PEAK1: variants seen among roughly 807,000 people sequenced by gnomAD.
PEAK1 encodes the protein inactive tyrosine-protein kinase PEAK1.
Under a neutral mutation model 124.7 loss-of-function variants are expected in PEAK1, and 54 were observed. That is an observed-to-expected ratio of 0.43 (90% confidence interval 0.35 to 0.54). The LOEUF is 0.54. Among genes scored for constraint, PEAK1 ranks in the 20% least tolerant of loss-of-function variants. The pLI is 0.01. For synonymous variants in PEAK1, 719 were observed against 760.0 expected (o/e 0.95, Z 0.89); for missense variants, 2,046 against 2,134.5 (o/e 0.96, Z 0.82).
At chr15:77,237,512 C>T (rs1227025920) in intron 6 of PEAK1, among the ~76,000 whole-genome samples, 1 of 150,642 alleles carries the variant, frequency 6.6e-6, no homozygotes. Flanking sequence ...TATTTGTTTA[C>T]ATTTCCTTGT....
intron 5 of PEAK1, among the ~76,000 whole-genome samples, chr15:77,273,458 C>T (rs1048527853): frequency 1.3e-5 from 2 of 152,122 alleles, no homozygotes; most frequent in Admixed American, 6.6e-5. Context: ...AGTAGCCCTG[C>T]TACACATCAA....
At chr15:77,118,041 A>T (rs1001505971) in intron 9 of PEAK1, among the ~76,000 whole-genome samples, 2 of 152,222 alleles carry the variant, frequency 1.3e-5, no homozygotes, top group African/African-American at 2.4e-5. Context: ...AAATTGTTTC[A>T]CGATTTTGGA....
intron 2 of PEAK1, chr15:77,348,711 C>A (rs190405698): frequency 1.0e-6 from 1 of 984,892 alleles, no homozygotes; most frequent in African/African-American, 1.8e-5. Flanking sequence ...ACGGGAAAAC[C>A]CAAGGCACCA....
At chr15:77,278,905 T>G (rs567683844) in intron 5 of PEAK1, 9 of 252,272 alleles carry the variant, frequency 3.6e-5, no homozygotes, top group Non-Finnish European at 6.8e-5. Context: ...TCATCTCTGC[T>G]CACTGCAACC....
intron 7 of PEAK1, among the ~76,000 whole-genome samples, chr15:77,171,122 C>T (rs922822549): frequency 6.6e-6 from 1 of 152,090 alleles, no homozygotes; most frequent in African/African-American, 2.4e-5. Flanking sequence ...ATGCTACTTT[C>T]CCGCTTAAAA....
intron 6 of PEAK1, among the ~76,000 whole-genome samples, chr15:77,222,944 C>T (rs1393716623): frequency 6.6e-6 from 1 of 152,064 alleles, no homozygotes; most frequent in Non-Finnish European, 1.5e-5. Context: ...ACTCAAAATA[C>T]AGTCCACGAA....
chr15:77,147,079 T>A (rs1286238167), intron 8 of PEAK1, among the ~76,000 whole-genome samples: 1 of 152,210 alleles, frequency 6.6e-6, no homozygotes, highest in Non-Finnish European at 1.5e-5. Context: ...GTTTCTTGTG[T>A]TGATCTATAG....
At chr15:77,131,148 A>G (rs183132072) in intron 9 of PEAK1, among the ~76,000 whole-genome samples, 235 of 152,356 alleles carry the variant, frequency 1.5e-3, no homozygotes, top group African/African-American at 5.5e-3. Context: ...TAAGAAATTG[A>G]TAAGTGGCAC....
intron 1 of PEAK1, among the ~76,000 whole-genome samples, chr15:77,389,733 G>A (rs1466771993): frequency 1.3e-5 from 2 of 152,126 alleles, no homozygotes; most frequent in African/African-American, 4.8e-5. Context: ...CCTTTTTGTA[G>A]AAAGGCTAGA....
chr15:77,108,921 T>C lies in PEAK1; in HGVS notation c.*5235A>G, dbSNP rs934541184. 1.3e-5 allele frequency: 2 copies of C among 152,164 alleles called. No individual in the cohort carries two copies. The highest frequency in any genetic ancestry group is 2.9e-5 in the Non-Finnish European group (2 of 68,034). 9.4% of individuals were successfully genotyped at this position (152,164 alleles called of 1,614,324 possible). On this transcript the variant is annotated 3_prime_UTR_variant, in exon 10 of 10. Transcript: ENST00000682557. The stretch of plus-strand genomic sequence containing the variant: ...ATGGGATGTTGGGAATGCAGGCCCT[T>C]GCAGCCCACCTAGGTGGGGAAAGCT...
intron 2 of PEAK1, among the ~76,000 whole-genome samples, chr15:77,325,531 AGAGG>A (rs1459432557): frequency 6.6e-6 from 1 of 152,136 alleles, no homozygotes; most frequent in Non-Finnish European, 1.5e-5. Context: ...TTTTATATAG[AGAGG>A]GTAAATTAGC....
chr15:77,114,384 G>A lies in PEAK1; in HGVS notation c.5013C>T (p.Arg1671=), dbSNP rs199706567. The part of the protein sequence containing the change: ...GILQCLLWGP[R]EDLFQTFTAC... ...CGGTGAAAGTCTGGAAGAGATCTTCGCGGGGGCCCCAGAGCAGACACTGGA... is the reference window on the plus strand; with the variant it reads ...CGGTGAAAGTCTGGAAGAGATCTTCACGGGGGCCCCAGAGCAGACACTGGA... The change falls in exon 10 of 10, where the codon CGC becomes CGT. Residue 1671 remains arginine, a synonymous_variant. Coordinates refer to ENST00000682557, the MANE Select transcript of PEAK1 (RefSeq NM_001385026.1). The A allele has an allele frequency of 2.8e-4, 446 of 1,614,052 alleles. 1 individual carries two copies. In the Middle Eastern group the frequency reaches 6.9e-3, roughly 25 times the overall value.
At chr15:77,373,238 T>G (rs2068770759) in intron 1 of PEAK1, among the ~76,000 whole-genome samples, 1 of 152,182 alleles carries the variant, frequency 6.6e-6, no homozygotes, top group African/African-American at 2.4e-5. Context: ...TATTTTCCCC[T>G]TTGCTTGTTT....
At chr15:77,388,668 T>C (rs3784787) in intron 1 of PEAK1, among the ~76,000 whole-genome samples, 33,624 of 152,094 alleles carry the variant, frequency 0.22, 4,201 homozygotes, top group Middle Eastern at 0.3. Context: ...CAACATTTCA[T>C]GTTGATCATT....
At chr15:77,342,774 T>C (rs942548340) in intron 2 of PEAK1, among the ~76,000 whole-genome samples, 2 of 152,188 alleles carry the variant, frequency 1.3e-5, no homozygotes, top group African/African-American at 4.8e-5. Context: ...TTCCATGTTG[T>C]AGCATGTAAC....
rs1476669051 is a variant in PEAK1, at chr15:77,109,416, A to G, written c.*4740T>C. On this transcript the variant is annotated 3_prime_UTR_variant, in exon 10 of 10. Transcript: ENST00000682557. Reference sequence around the variant, plus strand: ...TATCAGCTAAATGCCTTGACATGGAATGTATGTGAACTCCCCTCCCACAGC... The same window carrying G: ...TATCAGCTAAATGCCTTGACATGGAGTGTATGTGAACTCCCCTCCCACAGC... 1 of 152,190 alleles carries G rather than the reference A, an allele frequency of 6.6e-6. No homozygotes were observed. The highest frequency in any genetic ancestry group is 1.9e-4 in the East Asian group (1 of 5,200). The allele number at this position is 152,190 out of a possible 1,614,324, so 9.4% of individuals were successfully genotyped here. A position where few individuals can be genotyped will look rare whatever the true frequency, so the allele number is the denominator to read the frequency against.
At chr15:77,275,643 G>GA (rs1163067299) in intron 5 of PEAK1, among the ~76,000 whole-genome samples, 2 of 151,966 alleles carry the variant, frequency 1.3e-5, no homozygotes, top group Non-Finnish European at 2.9e-5. Flanking sequence ...TTGAACCCGG[G>GA]AGACGGAGGT....
intron 6 of PEAK1, among the ~76,000 whole-genome samples, chr15:77,191,298 A>G (rs888893978): frequency 3.9e-5 from 6 of 152,208 alleles, no homozygotes; most frequent in African/African-American, 1.4e-4. Flanking sequence ...AGGCTGATTC[A>G]TAGTAAGCAC....
At chr15:77,416,247 T>C (rs567924279) in intron 1 of PEAK1, among the ~76,000 whole-genome samples, 4 of 152,352 alleles carry the variant, frequency 2.6e-5, no homozygotes, top group African/African-American at 7.2e-5. Flanking sequence ...CTGGCACAGA[T>C]GGTTGGCTTC....
Sources: gnomAD v4.1 joint callset for allele counts (sites outside exome capture counted in the v4.1 genomes callset) on GRCh38, gnomAD v4.1.1 for gene constraint, MANE v1.5 for transcripts, NCBI Gene and HGNC (gene_info 2026-07-23, HGNC 2026-07-21) for gene names.